Variants in MTSS1 observed in about 807,000 individuals in gnomAD.
MTSS1 encodes the protein protein MTSS 1.
Under a neutral mutation model 79.0 loss-of-function variants are expected in MTSS1, and 18 were observed. The ratio of observed to expected loss-of-function variants is 0.23; its 90% CI spans 0.16 to 0.34. The LOEUF is 0.34. Among genes scored for constraint, MTSS1 ranks in the 10% least tolerant of loss-of-function variants. MTSS1 has a pLI of 1.00. For missense variants in MTSS1, 815 were observed against 986.2 expected (o/e 0.83, Z 2.33); for synonymous variants, 341 against 368.6 (o/e 0.93, Z 0.86).
chr8:124,664,519 T>G (rs1239093378), intron 3 of MTSS1, among the ~76,000 whole-genome samples: 1 of 152,186 alleles, frequency 6.6e-6, no homozygotes, highest in Non-Finnish European at 1.5e-5. Flanking sequence ...AGCCACACTC[T>G]AAAATTGAGC....
intron 3 of MTSS1, among the ~76,000 whole-genome samples, chr8:124,654,320 C>A (rs1820554789): frequency 6.6e-6 from 1 of 152,176 alleles, no homozygotes; most frequent in African/African-American, 2.4e-5. Context: ...TGACACAGAT[C>A]ATTAGCAAAG....
chr8:124,615,581 C>G lies in MTSS1; in HGVS notation c.209-24346G>C, dbSNP rs560604840. Among the ~76,000 whole-genome samples the G allele has an allele frequency of 4.6e-5, 7 of 152,158 alleles. No homozygotes were observed. In the South Asian group the frequency reaches 1.5e-3, roughly 32 times the overall value. The stretch of plus-strand genomic sequence containing the variant: ...GGCACTGGGGGGAAGGGGGAAAATG[C>G]GAGTTGCTGAATGGGTTCAGAGCTT... On this transcript the variant is annotated intron_variant, in intron 3 of 13. Transcript: ENST00000518547.
At chr8:124,693,804 T>C (rs1157783243) in intron 3 of MTSS1, among the ~76,000 whole-genome samples, 2 of 152,204 alleles carry the variant, frequency 1.3e-5, no homozygotes, top group East Asian at 1.9e-4. Context: ...AGAGCAAAAA[T>C]TGGAAGCTCT....
At chr8:124,699,391 A>G in intron 3 of MTSS1, 135 bp downstream of exon 3, 1 of 714,046 alleles carries the variant, frequency 1.4e-6, no homozygotes, top group East Asian at 2.8e-5. Context: ...AATCCCACAG[A>G]GTTTTAAAAA....
chr8:124,560,671 AAAC>A (rs1162745300), intron 10 of MTSS1, among the ~76,000 whole-genome samples: 3 of 152,094 alleles, frequency 2.0e-5, no homozygotes, highest in Non-Finnish European at 2.9e-5. Context: ...AACAAAAATA[AAAC>A]AACAAAACAG....
At chr8:124,593,988 A>G (rs4007926) in intron 3 of MTSS1, among the ~76,000 whole-genome samples, 102,331 of 151,862 alleles carry the variant, frequency 0.67, 35,857 homozygotes, top group African/African-American at 0.88. Flanking sequence ...CTGTCTAATC[A>G]GTACCAACAG....
At position 124,727,176 on chromosome 8, in the gene MTSS1, G is replaced by A. The variant is rs1291421311; in HGVS notation, c.72+708C>T. ...AAAACCTAGAGTGTGTGTCCGTTTG[G>A]GTCTGGGAGGGCAGGATACAGTTAT... On this transcript the variant is annotated intron_variant, in intron 1 of 13. Coordinates refer to ENST00000518547, the MANE Select transcript of MTSS1 (RefSeq NM_014751.6). This position sits in a 1 kb window ranked among gnomAD's most constrained non-coding sequence, Gnocchi z 4.7. 6.6e-6 allele frequency among the ~76,000 whole-genome samples: 1 copy of A among 152,144 alleles called. No homozygotes were observed. Among genetic ancestry groups the A allele is most frequent in the African/African-American group, 2.4e-5 (1 of 41,434 alleles).
intron 6 of MTSS1, chr8:124,580,306 T>C (rs962153689): frequency 6.2e-6 from 3 of 484,980 alleles, no homozygotes; most frequent in African/African-American, 3.9e-5. Context: ...TGAATTACGA[T>C]GATTCAAAGG....
intron 3 of MTSS1, among the ~76,000 whole-genome samples, chr8:124,666,308 A>AC (rs1453613683): frequency 6.6e-6 from 1 of 152,246 alleles, no homozygotes; most frequent in Non-Finnish European, 1.5e-5. Context: ...GTGCTCAGGA[A>AC]CACAAGGGCA....
At chr8:124,574,249 A>T (rs993345889) in intron 6 of MTSS1, among the ~76,000 whole-genome samples, 6 of 152,206 alleles carry the variant, frequency 3.9e-5, no homozygotes, top group African/African-American at 1.4e-4. Context: ...CGGCCACAGA[A>T]GGAAGGAATT....
chr8:124,567,139 G>C lies in MTSS1; in HGVS notation c.658C>G (p.Gln220Glu). The C allele has an allele frequency of 6.2e-7, 1 of 1,614,166 alleles. No individual in the cohort carries two copies. Among genetic ancestry groups the C allele is most frequent in the East Asian group, 2.2e-5 (1 of 44,890 alleles). Reference protein sequence around the residue: ...ISMLGEITHLQTISEDLKSLT... With the variant: ...ISMLGEITHLETISEDLKSLT... ...CTTTTTAGATCTTCCGAGATGGTCT[G>C]AAGGTGGGTTATTTCCCCTAGCATT... Residue 220 changes from glutamine (Q) to glutamate (E), a missense_variant, in exon 8 of 14, where the codon CAG (glutamine) becomes GAG (glutamate). Transcript: ENST00000518547.
intron 3 of MTSS1, among the ~76,000 whole-genome samples, chr8:124,648,018 T>C (rs7010266): frequency 0.073 from 11,140 of 152,244 alleles, 436 homozygotes; most frequent in Middle Eastern, 0.092. Flanking sequence ...CCAGCAGGCC[T>C]AAAGCAGATT....
At chr8:124,664,689 G>A (rs1222791537) in intron 3 of MTSS1, among the ~76,000 whole-genome samples, 1 of 152,118 alleles carries the variant, frequency 6.6e-6, no homozygotes, top group South Asian at 2.1e-4. Context: ...AATCCGCAAC[G>A]AGAGCACTTG....
At position 124,728,109 on chromosome 8, in the gene MTSS1, G is replaced by T; in HGVS notation, c.-154C>A. 3.4e-6 allele frequency: 2 copies of T among 585,512 alleles called. No homozygotes were observed. Among genetic ancestry groups the T allele is most frequent in the South Asian group, 2.2e-5 (1 of 44,842 alleles). The allele number at this position is 585,512 out of a possible 1,614,324, so 36.3% of individuals were successfully genotyped here. ...CAGCGAGGACGGGGTGCACCAGACC[G>T]ACTGTTCTCTGCCCAAAATAATAAC... On this transcript the variant is annotated 5_prime_UTR_variant, in exon 1 of 14. Coordinates refer to ENST00000518547, the MANE Select transcript of MTSS1 (RefSeq NM_014751.6). The surrounding 1 kb of genome is among the most constrained non-coding windows in gnomAD (Gnocchi z 6.1).
At chr8:124,557,031 GTCC>G (rs901336419) in intron 11 of MTSS1, among the ~76,000 whole-genome samples, 7 of 152,222 alleles carry the variant, frequency 4.6e-5, no homozygotes, top group Non-Finnish European at 8.8e-5. Flanking sequence ...TCAAATTAGG[GTCC>G]TCCTCTCAAA....
At chr8:124,635,376 G>T (rs1816787676) in intron 3 of MTSS1, among the ~76,000 whole-genome samples, 2 of 152,220 alleles carry the variant, frequency 1.3e-5, no homozygotes, top group Admixed American at 1.3e-4. Flanking sequence ...CAGGTAGCAG[G>T]TGCAACAGTT....
intron 8 of MTSS1, 22 bp downstream of exon 8, chr8:124,567,049 G>A: frequency 6.4e-7 from 1 of 1,567,256 alleles, no homozygotes; most frequent in Non-Finnish European, 8.8e-7. Context: ...GATCCTGTAA[G>A]TGCTTAACCC....
At chr8:124,712,216 A>G (rs1831274070) in intron 1 of MTSS1, among the ~76,000 whole-genome samples, 1 of 152,020 alleles carries the variant, frequency 6.6e-6, no homozygotes, top group African/African-American at 2.4e-5. Flanking sequence ...GGGCTTTTAA[A>G]TCTCCAGCTG....
chr8:124,561,657 AAC>A (rs1313478920), intron 10 of MTSS1, among the ~76,000 whole-genome samples: 2 of 152,090 alleles, frequency 1.3e-5, no homozygotes, highest in Admixed American at 1.3e-4. Flanking sequence ...TTGTCAATTA[AAC>A]ACACACACAC....
Sources: allele counts gnomAD v4.1 joint callset (sites outside exome capture counted in the v4.1 genomes callset), GRCh38; gene constraint gnomAD v4.1.1; non-coding constraint Gnocchi (gnomAD v3.1); transcripts MANE v1.5; gene names NCBI Gene and HGNC (gene_info 2026-07-23, HGNC 2026-07-21).